CAGE1: variants seen among roughly 807,000 people sequenced by gnomAD.
The protein encoded by CAGE1 is cancer antigen 1.
Under a neutral mutation model 94.9 loss-of-function variants are expected in CAGE1, and 66 were observed. The observed-to-expected ratio is 0.70, with a 90% confidence interval of 0.57 to 0.85. The LOEUF (loss-of-function observed/expected upper bound fraction) is 0.85. Ranked by LOEUF, CAGE1 falls within the 40% of genes least tolerant of loss-of-function variation. The probability of loss-of-function intolerance (pLI) is 0.00; values close to 1 mark genes in which losing one functional copy is unlikely to be tolerated. For missense variants in CAGE1, 865 were observed against 950.4 expected (o/e 0.91, Z 1.18); for synonymous variants, 319 against 321.0 (o/e 0.99, Z 0.07).
At chr6:7,350,830 T>C (rs1216384297) in intron 11 of CAGE1, among the ~76,000 whole-genome samples, 1 of 152,050 alleles carries the variant, frequency 6.6e-6, no homozygotes, top group East Asian at 1.9e-4. Context: ...CAACTGACAG[T>C]CTAAGGTTAC....
intron 9 of CAGE1, among the ~76,000 whole-genome samples, chr6:7,357,664 G>A (rs1033302975): frequency 9.2e-5 from 14 of 152,080 alleles, no homozygotes; most frequent in African/African-American, 3.1e-4. Flanking sequence ...ATCATGAAAA[G>A]AAATACAACA....
intron 5 of CAGE1, 75 bp downstream of exon 5, chr6:7,372,997 AC>A: frequency 1.0e-6 from 1 of 993,114 alleles, no homozygotes; most frequent in Non-Finnish European, 1.5e-6. Flanking sequence ...TATAAGTGCC[AC>A]GTCTAAATAC....
At chr6:7,353,859 G>A (rs530413070) in intron 11 of CAGE1, among the ~76,000 whole-genome samples, 4 of 152,066 alleles carry the variant, frequency 2.6e-5, no homozygotes, top group African/African-American at 7.2e-5. Context: ...ACCAAACATC[G>A]TATGTTCTCA....
chr6:7,366,715 C>T lies in CAGE1; in HGVS notation c.2005-831G>A, dbSNP rs141302111. ...AAGCCTGAGTTTTGCTTTCTCTAGA[C>T]GATGCCCCTGTGCCTTTCCCTCGGC... On this transcript the variant is annotated intron_variant, in intron 7 of 13. Coordinates refer to ENST00000502583, the MANE Select transcript of CAGE1 (RefSeq NM_001170692.2). Among the ~76,000 whole-genome samples, 43 of 152,186 alleles carry T rather than the reference C, an allele frequency of 2.8e-4. No individual in the cohort carries two copies. In the Middle Eastern group the frequency reaches 0.01, roughly 36 times the overall value.
At position 7,373,337 on chromosome 6, in the gene CAGE1, A is replaced by G; in HGVS notation, c.1482T>C (p.Leu494=). Residue 494 remains leucine, a synonymous_variant, in exon 5 of 14, where the codon CTT becomes CTC. Transcript: ENST00000502583. ...GTCTTTCTTCCAGGTTTTCCTTTTC[A>G]AGTTTCTGGAATTCCTCCTGTAAAG... ...FLSLQEEFQK[L]EKENLEERQK... 6.2e-7 allele frequency: 1 copy of G among 1,611,008 alleles called. No homozygotes were observed. The highest frequency in any genetic ancestry group is 8.5e-7 in the Non-Finnish European group (1 of 1,179,060).
chr6:7,378,931 A>C lies in CAGE1; in HGVS notation c.373T>G (p.Cys125Gly), dbSNP rs1454154565. Residue 125 changes from cysteine (C) to glycine (G), a missense_variant, in exon 4 of 14, where the codon TGC becomes GGC. Coordinates refer to ENST00000502583, the MANE Select transcript of CAGE1 (RefSeq NM_001170692.2). ...ISSLRQFETV[C>G]KFHWVEAFDD... ...AATGCTTCTACCCAGTGAAATTTGCAAACGGTTTCAAATTGTCTCAAGGAA... is the reference window on the plus strand; with the variant it reads ...AATGCTTCTACCCAGTGAAATTTGCCAACGGTTTCAAATTGTCTCAAGGAA... 1 of 1,598,008 alleles carries C rather than the reference A, an allele frequency of 6.3e-7. No individual in the cohort carries two copies. Among genetic ancestry groups the C allele is most frequent in the Non-Finnish European group, 8.5e-7 (1 of 1,171,134 alleles).
Position 7,346,082 on chromosome 6 carries a change from A to G in CAGE1, c.2369+8959T>C, listed in dbSNP as rs536638570. Reference sequence around the variant, plus strand: ...ATAATTTTTTTTAAATTTTAGGTGAACCTATAAAGTGAGAGCAAGTTTATC... The same window carrying G: ...ATAATTTTTTTTAAATTTTAGGTGAGCCTATAAAGTGAGAGCAAGTTTATC... On this transcript the variant is annotated intron_variant, in intron 11 of 13. Transcript: ENST00000502583. Among the ~76,000 whole-genome samples, 21 of 152,312 alleles carry G rather than the reference A, an allele frequency of 1.4e-4. No homozygotes were observed. In the South Asian group the frequency reaches 4.3e-3, roughly 32 times the overall value.
intron 2 of CAGE1, among the ~76,000 whole-genome samples, chr6:7,386,727 C>G (rs1036405162): frequency 3.9e-5 from 6 of 152,304 alleles, no homozygotes; most frequent in African/African-American, 4.8e-5. Flanking sequence ...GCTGGGATTA[C>G]AGGTGCTCGC....
chr6:7,367,627 T>A lies in CAGE1; in HGVS notation c.2004+1061A>T, dbSNP rs868597040. On this transcript the variant is annotated intron_variant, in intron 7 of 13. Transcript: ENST00000502583. ...GTTGGGCTTATTTTTGAAAGCTGTTTAGAGGAGTAGAGGCCAGCCGTTTCT... is the reference window on the plus strand; with the variant it reads ...GTTGGGCTTATTTTTGAAAGCTGTTAAGAGGAGTAGAGGCCAGCCGTTTCT... 4.9e-4 allele frequency among the ~76,000 whole-genome samples: 75 copies of A among 152,232 alleles called. 2 individuals carry two copies. The highest frequency in any genetic ancestry group is 1.8e-3 in the African/African-American group (73 of 41,542).
chr6:7,379,426 C>A (rs1434108031), intron 3 of CAGE1, among the ~76,000 whole-genome samples: 1 of 152,140 alleles, frequency 6.6e-6, no homozygotes, highest in Non-Finnish European at 1.5e-5. Flanking sequence ...GATGTCAGTA[C>A]TGTTATTATC....
chr6:7,345,025 A>C (rs955159466), intron 11 of CAGE1, among the ~76,000 whole-genome samples: 3 of 152,178 alleles, frequency 2.0e-5, no homozygotes, highest in African/African-American at 4.8e-5. Flanking sequence ...AGAGAATAAA[A>C]CCAGGGTGCC....
chr6:7,355,687 G>T (rs1386856860), intron 10 of CAGE1, among the ~76,000 whole-genome samples: 1 of 152,146 alleles, frequency 6.6e-6, no homozygotes, highest in Non-Finnish European at 1.5e-5. Flanking sequence ...GTTTTTAAAA[G>T]GCACAAATAT....
chr6:7,327,126 C>T (rs1411366534), intron 13 of CAGE1, among the ~76,000 whole-genome samples: 1 of 152,164 alleles, frequency 6.6e-6, no homozygotes, highest in African/African-American at 2.4e-5. Context: ...AATCTCGGCT[C>T]ACTGCAAGCT....
chr6:7,383,339 T>G (rs1040933104), intron 3 of CAGE1, among the ~76,000 whole-genome samples: 1 of 152,246 alleles, frequency 6.6e-6, no homozygotes, highest in Non-Finnish European at 1.5e-5. Context: ...AAGTTAGAAC[T>G]TTGCAGTTCA....
intron 11 of CAGE1, among the ~76,000 whole-genome samples, chr6:7,336,449 C>T (rs141330800): frequency 6.6e-6 from 1 of 152,278 alleles, no homozygotes; most frequent in African/African-American, 2.4e-5. Context: ...GCAAGCAAAG[C>T]AGCACCACTG....
rs2764073 is a variant in CAGE1, at chr6:7,355,017, T to A, written c.2369+24A>T. On this transcript the variant is annotated intron_variant, in intron 11 of 13. Transcript: ENST00000502583. ...AGGTATTAGTAAATATTCACAAAAT[T>A]AAGGATTCGTTTTTTCAACTTACTG... 2.0e-4 allele frequency: 306 copies of A among 1,558,446 alleles called. 1 individual carries two copies. The African/African-American group carries it at 3.7e-3, about 19-fold the overall frequency.
At chr6:7,363,094 C>A (rs1760214018) in intron 9 of CAGE1, among the ~76,000 whole-genome samples, 1 of 152,112 alleles carries the variant, frequency 6.6e-6, no homozygotes, top group African/African-American at 2.4e-5. Context: ...CATGGAAAAA[C>A]CCTGTCTCTA....
chr6:7,367,589 T>G (rs1760395846), intron 7 of CAGE1, among the ~76,000 whole-genome samples: 1 of 152,104 alleles, frequency 6.6e-6, no homozygotes, highest in Admixed American at 6.5e-5. Flanking sequence ...ATTGTATTTT[T>G]GTAACAACCT....
Position 7,349,914 on chromosome 6 carries a change from A to G in CAGE1, c.2369+5127T>C, listed in dbSNP as rs1230049181. Among the ~76,000 whole-genome samples the G allele has an allele frequency of 3.4e-5, 5 of 148,680 alleles. No homozygotes were observed. The East Asian group carries it at 9.9e-4, about 29-fold the overall frequency. On this transcript the variant is annotated intron_variant, in intron 11 of 13. Transcript: ENST00000502583. Reference sequence around the variant, plus strand: ...CTGTTGCACTCCAGCCTGGGCGACAAGAGTGAAACACTTGTCTCAAAAAAA... The same window carrying G: ...CTGTTGCACTCCAGCCTGGGCGACAGGAGTGAAACACTTGTCTCAAAAAAA...
Sources: gnomAD v4.1 joint callset for allele counts (sites outside exome capture counted in the v4.1 genomes callset) on GRCh38, gnomAD v4.1.1 for gene constraint, MANE v1.5 for transcripts, NCBI Gene and HGNC (gene_info 2026-07-23, HGNC 2026-07-21) for gene names.